PATJ: variants seen among roughly 807,000 people sequenced by gnomAD.
PATJ encodes PATJ crumbs cell polarity complex component, also known as inaD-like protein.
Under a neutral mutation model 224.9 loss-of-function variants are expected in PATJ, and 190 were observed. That is an observed-to-expected ratio of 0.84 (90% confidence interval 0.75 to 0.95). The LOEUF (loss-of-function observed/expected upper bound fraction) is 0.95, where lower values mean the gene tolerates loss of function less well. PATJ is among the 40% of genes least tolerant of loss of function. PATJ has a pLI of 0.00. For synonymous variants in PATJ, 769 were observed against 820.3 expected (o/e 0.94, Z 1.07); for missense variants, 2,121 against 2,270.3 (o/e 0.93, Z 1.34).
At chr1:61,911,922 T>G (rs934501733) in intron 25 of PATJ, among the ~76,000 whole-genome samples, 1 of 149,714 alleles carries the variant, frequency 6.7e-6, no homozygotes, top group African/African-American at 2.4e-5. Flanking sequence ...TATGTTAATG[T>G]ATCATTACTG....
At chr1:61,743,287 A>C (rs1048836926) in intron 1 of PATJ, among the ~76,000 whole-genome samples, 2 of 152,252 alleles carry the variant, frequency 1.3e-5, no homozygotes, top group African/African-American at 4.8e-5. Flanking sequence ...AAGCATTTTC[A>C]GATCACTCCC....
chr1:62,130,831 A>G (rs1485823722), intron 41 of PATJ, among the ~76,000 whole-genome samples: 2 of 152,184 alleles, frequency 1.3e-5, no homozygotes, highest in Non-Finnish European at 2.9e-5. Flanking sequence ...ATCCTGGGCG[A>G]CAGAGCAAGA....
intron 6 of PATJ, among the ~76,000 whole-genome samples, chr1:61,772,592 G>A (rs1442575030): frequency 1.3e-5 from 2 of 152,108 alleles, no homozygotes; most frequent in Non-Finnish European, 2.9e-5. Context: ...GACTGTCTCA[G>A]TACAATACAA....
intron 17 of PATJ, among the ~76,000 whole-genome samples, chr1:61,850,927 G>A (rs1258176284): frequency 6.6e-6 from 1 of 152,158 alleles, no homozygotes; most frequent in African/African-American, 2.4e-5. Flanking sequence ...CCTATATGAT[G>A]GGATGTGGCT....
At chr1:62,042,650 A>AT (rs200891694) in intron 30 of PATJ, among the ~76,000 whole-genome samples, 92 of 152,264 alleles carry the variant, frequency 6.0e-4, no homozygotes, top group Middle Eastern at 6.8e-3. Flanking sequence ...TTATTGAGCT[A>AT]TTTTTTTAAA....
At chr1:61,750,589 G>A (rs1036143860) in intron 1 of PATJ, among the ~76,000 whole-genome samples, 9 of 151,666 alleles carry the variant, frequency 5.9e-5, no homozygotes, top group East Asian at 1.9e-4. Flanking sequence ...AGGTGCCCGC[G>A]ACCATGCCTG....
rs1570350825 is a variant in PATJ, at chr1:61,765,961, G to A, written c.190-318G>A. 2.0e-5 allele frequency among the ~76,000 whole-genome samples: 3 copies of A among 152,270 alleles called. No individual in the cohort carries two copies. The East Asian group carries it at 5.8e-4, about 29-fold the overall frequency. On this transcript the variant is annotated intron_variant, in intron 3 of 43. Coordinates refer to ENST00000642238, the MANE Select transcript of PATJ (RefSeq NM_001350145.3). The stretch of plus-strand genomic sequence containing the variant: ...ACAGATAAATGGAAAAAGGTTTAGT[G>A]CCTTACACTGTTATGTGACTGGATG...
intron 25 of PATJ, among the ~76,000 whole-genome samples, chr1:61,911,695 T>TTATATA (rs141530445): frequency 0.014 from 1,926 of 140,568 alleles, 18 homozygotes; most frequent in South Asian, 0.039. Context: ...CTATATATTT[T>TTATATA]TATATATATA....
intron 25 of PATJ, among the ~76,000 whole-genome samples, chr1:61,912,600 C>T (rs775367604): frequency 1.4e-5 from 2 of 147,102 alleles, no homozygotes; most frequent in Non-Finnish European, 3.0e-5. Context: ...GACTCTGTCT[C>T]AACGAATGAA....
intron 31 of PATJ, among the ~76,000 whole-genome samples, chr1:62,064,021 G>A (rs1570407309): frequency 6.6e-6 from 1 of 152,166 alleles, no homozygotes; most frequent in Admixed American, 6.5e-5. Flanking sequence ...GCTCTGGCTA[G>A]CACTTCCAGT....
At chr1:62,083,382 A>T (rs1378170718) in intron 32 of PATJ, among the ~76,000 whole-genome samples, 1 of 152,254 alleles carries the variant, frequency 6.6e-6, no homozygotes, top group Non-Finnish European at 1.5e-5. Flanking sequence ...TCAGGTGATC[A>T]GCCTCACAAA....
chr1:61,908,765 C>T (rs1208603844), intron 25 of PATJ, among the ~76,000 whole-genome samples: 2 of 152,124 alleles, frequency 1.3e-5, no homozygotes, highest in African/African-American at 4.8e-5. Context: ...ACCAGCTTTG[C>T]TAACTTGCAG....
At position 62,018,441 on chromosome 1, in the gene PATJ, A is replaced by G. The variant is rs1287769830; in HGVS notation, c.3959+494A>G. 2.0e-5 allele frequency among the ~76,000 whole-genome samples: 3 copies of G among 152,164 alleles called. No individual in the cohort carries two copies. In the East Asian group the frequency reaches 5.8e-4, roughly 29 times the overall value. On this transcript the variant is annotated intron_variant, in intron 29 of 43. Transcript: ENST00000642238. The surrounding 1 kb of genome is among the most constrained non-coding windows in gnomAD (Gnocchi z 4.2). Reference sequence around the variant, plus strand: ...GTTGTGTGTTTGGGGCTTCACATTTACTCAGACCTCCCTGCAAGCTGATTG... The same window carrying G: ...GTTGTGTGTTTGGGGCTTCACATTTGCTCAGACCTCCCTGCAAGCTGATTG...
chr1:61,797,998 G>T (rs1651700339), intron 11 of PATJ, among the ~76,000 whole-genome samples: 1 of 152,012 alleles, frequency 6.6e-6, no homozygotes, highest in Non-Finnish European at 1.5e-5. Flanking sequence ...TAGAGATAGG[G>T]TTTCACCGTG....
At chr1:61,763,682 C>T (rs1386354368) in intron 3 of PATJ, among the ~76,000 whole-genome samples, 1 of 144,234 alleles carries the variant, frequency 6.9e-6, no homozygotes, top group Non-Finnish European at 1.6e-5. Flanking sequence ...TATTTTGAGA[C>T]AAGGTTTCTC....
intron 33 of PATJ, among the ~76,000 whole-genome samples, chr1:62,106,079 T>TAC (rs1229837123): frequency 0.013 from 260 of 20,770 alleles, 15 homozygotes; most frequent in Non-Finnish European, 0.019. Context: ...TATATATATA[T>TAC]ACACACACAC....
chr1:61,950,867 G>T (rs937973804), intron 27 of PATJ, among the ~76,000 whole-genome samples: 2 of 151,976 alleles, frequency 1.3e-5, no homozygotes, highest in Admixed American at 6.6e-5. Context: ...AGTAAAATAG[G>T]CTGACACAGT....
intron 28 of PATJ, among the ~76,000 whole-genome samples, chr1:62,006,362 C>T (rs561074094): frequency 3.9e-5 from 6 of 152,344 alleles, no homozygotes; most frequent in African/African-American, 1.2e-4. Flanking sequence ...GCAATCCACC[C>T]GCCTTGGCCT....
At chr1:61,811,964 G>C (rs570635462) in intron 14 of PATJ, among the ~76,000 whole-genome samples, 128 of 151,712 alleles carry the variant, frequency 8.4e-4, no homozygotes, top group Non-Finnish European at 1.4e-3. Context: ...GGGAGGCTGG[G>C]GCAAGAGAAT....
Sources: gnomAD v4.1 joint callset for allele counts (sites outside exome capture counted in the v4.1 genomes callset) on GRCh38, gnomAD v4.1.1 for gene constraint, Gnocchi (gnomAD v3.1) non-coding constraint, MANE v1.5 for transcripts, NCBI Gene and HGNC (gene_info 2026-07-23, HGNC 2026-07-21) for gene names.